The following CCSER1 variants were observed in gnomAD, a reference collection of about 807,000 sequenced individuals.
CCSER1 encodes the protein coiled-coil serine rich protein 1.
In CCSER1, 41 loss-of-function variants were observed where a neutral mutation model predicts 82.0. That is an observed-to-expected ratio of 0.50 (90% confidence interval 0.39 to 0.65). CCSER1 has a LOEUF of 0.65. CCSER1 is among the 30% of genes least tolerant of loss of function. CCSER1 has a pLI of 0.00. For synonymous variants in CCSER1, 414 were observed against 383.9 expected, an observed-to-expected ratio of 1.08 and a Z score of -0.92; for missense variants, 1,119 against 1,064.2, an observed-to-expected ratio of 1.05 and a Z score of -0.72.
chr4:90,424,884 T>G (rs1757314412), intron 4 of CCSER1, among the ~76,000 whole-genome samples: 1 of 152,252 alleles, frequency 6.6e-6, no homozygotes, highest in Non-Finnish European at 1.5e-5. Flanking sequence ...CTTTTGTGAA[T>G]AGCACCAACA....
chr4:90,541,006 T>C (rs946133096), intron 5 of CCSER1, among the ~76,000 whole-genome samples: 1 of 152,042 alleles, frequency 6.6e-6, no homozygotes, highest in South Asian at 2.1e-4. Context: ...TTCACTAAGT[T>C]CACTATTTGA....
intron 8 of CCSER1, among the ~76,000 whole-genome samples, chr4:90,847,505 G>GT (rs563783314): frequency 5.3e-5 from 8 of 151,878 alleles, no homozygotes; most frequent in South Asian, 2.1e-4. Flanking sequence ...TCACGTATCA[G>GT]TTTTTTTTAT....
chr4:90,547,236 TA>T lies in CCSER1; in HGVS notation c.1724+78890del, dbSNP rs929981861. Among the ~76,000 whole-genome samples the T allele has an allele frequency of 2.5e-4, 37 of 148,608 alleles. No homozygotes were observed. In the East Asian group the frequency reaches 3.1e-3, roughly 13 times the overall value. Reference sequence around the variant, plus strand: ...TGTGACACAATTAAATAAAATAAAATAAAAAAAAGAAAAAAAAAGGTGAAGA... The same window carrying T: ...TGTGACACAATTAAATAAAATAAAATAAAAAAAGAAAAAAAAAGGTGAAGA... On this transcript the variant is annotated intron_variant, in intron 5 of 10. Coordinates refer to ENST00000509176, the MANE Select transcript of CCSER1 (RefSeq NM_001145065.2).
chr4:90,615,251 G>A (rs959460013), intron 5 of CCSER1, among the ~76,000 whole-genome samples: 2 of 152,168 alleles, frequency 1.3e-5, no homozygotes. Context: ...TTGTTTTCAT[G>A]CCGTCTAACA....
At chr4:90,621,993 G>A (rs543438856) in intron 5 of CCSER1, among the ~76,000 whole-genome samples, 1 of 152,254 alleles carries the variant, frequency 6.6e-6, no homozygotes, top group South Asian at 2.1e-4. Context: ...CTTTCATATG[G>A]CACCTGGAAG....
chr4:90,425,419 A>G (rs986194420), intron 4 of CCSER1, among the ~76,000 whole-genome samples: 1 of 152,134 alleles, frequency 6.6e-6, no homozygotes, highest in African/African-American at 2.4e-5. Context: ...TCTTTTCCAA[A>G]TTTTGAGCAC....
chr4:90,210,750 T>A (rs1455880287), intron 1 of CCSER1, among the ~76,000 whole-genome samples: 1 of 152,186 alleles, frequency 6.6e-6, no homozygotes, highest in African/African-American at 2.4e-5. Flanking sequence ...TGGCCTGGCG[T>A]CTGCTATCAT....
chr4:90,343,665 A>G (rs1054571869), intron 3 of CCSER1, among the ~76,000 whole-genome samples: 1 of 152,140 alleles, frequency 6.6e-6, no homozygotes, highest in African/African-American at 2.4e-5. Context: ...TTTAGACTTG[A>G]TGGACTTTGG....
chr4:91,092,057 G>A (rs1057127876), intron 10 of CCSER1, among the ~76,000 whole-genome samples: 6 of 152,082 alleles, frequency 3.9e-5, no homozygotes, highest in Non-Finnish European at 7.3e-5. Context: ...TAGAGGGGGT[G>A]CACCTAATTT....
chr4:90,669,050 GT>G (rs1462361681), intron 6 of CCSER1, among the ~76,000 whole-genome samples: 1 of 151,904 alleles, frequency 6.6e-6, no homozygotes, highest in Non-Finnish European at 1.5e-5. Flanking sequence ...TCAAAACTCT[GT>G]TTTCATATTT....
intron 10 of CCSER1, among the ~76,000 whole-genome samples, chr4:91,229,780 A>G (rs1023791878): frequency 3.9e-5 from 6 of 152,154 alleles, no homozygotes; most frequent in African/African-American, 1.4e-4. Flanking sequence ...TGGGAGTTAA[A>G]CAATGAGAAC....
chr4:90,926,343 C>T (rs1235484849), intron 9 of CCSER1, among the ~76,000 whole-genome samples: 1 of 151,966 alleles, frequency 6.6e-6, no homozygotes, highest in Non-Finnish European at 1.5e-5. Flanking sequence ...AAGCTGCCAA[C>T]ATTAGCCACA....
chr4:90,171,007 T>A (rs1309955580), intron 1 of CCSER1, among the ~76,000 whole-genome samples: 1 of 151,816 alleles, frequency 6.6e-6, no homozygotes, highest in Non-Finnish European at 1.5e-5. Flanking sequence ...AATTAGATTG[T>A]AACTCAAAGA....
At chr4:90,665,870 G>A (rs1232766923) in intron 6 of CCSER1, among the ~76,000 whole-genome samples, 2 of 152,200 alleles carry the variant, frequency 1.3e-5, no homozygotes, top group Non-Finnish European at 2.9e-5. Context: ...GGTGTTGGCA[G>A]TTTGGGCTCT....
intron 1 of CCSER1, among the ~76,000 whole-genome samples, chr4:90,222,237 C>T (rs1322097274): frequency 2.0e-5 from 3 of 152,074 alleles, no homozygotes; most frequent in South Asian, 4.1e-4. Flanking sequence ...TCTTATTTCT[C>T]ATTAGCATTT....
At chr4:91,358,586 C>G (rs564239783) in intron 10 of CCSER1, among the ~76,000 whole-genome samples, 4 of 152,178 alleles carry the variant, frequency 2.6e-5, no homozygotes, top group African/African-American at 9.6e-5. Flanking sequence ...CAATTCAAGT[C>G]AAGTCAAAAC....
intron 9 of CCSER1, among the ~76,000 whole-genome samples, chr4:91,066,931 T>C (rs948610021): frequency 5.3e-5 from 8 of 151,740 alleles, no homozygotes; most frequent in African/African-American, 1.9e-4. Context: ...TTTGGAAGGC[T>C]GAGGCGGGCA....
chr4:90,170,156 T>A (rs981131969), intron 1 of CCSER1, among the ~76,000 whole-genome samples: 1 of 152,032 alleles, frequency 6.6e-6, no homozygotes, highest in Non-Finnish European at 1.5e-5. Flanking sequence ...CTGAAATATA[T>A]CTATTACCAG....
chr4:91,037,147 A>C lies in CCSER1; in HGVS notation c.2173-48803A>C, dbSNP rs186806754. 2.6e-5 allele frequency among the ~76,000 whole-genome samples: 4 copies of C among 152,130 alleles called. No individual in the cohort carries two copies. The East Asian group carries it at 7.7e-4, about 29-fold the overall frequency. On this transcript the variant is annotated intron_variant, in intron 9 of 10. Transcript: ENST00000509176. ...GCCTGAACTGCTAGAATAGCCAGAC[A>C]AGTGGTGGTGTCTCTGCATTGTCTT...
Sources: gnomAD v4.1 joint callset for allele counts (sites outside exome capture counted in the v4.1 genomes callset) on GRCh38, gnomAD v4.1.1 for gene constraint, MANE v1.5 for transcripts, NCBI Gene and HGNC (gene_info 2026-07-23, HGNC 2026-07-21) for gene names.